CEP152: variants seen among roughly 807,000 people sequenced by gnomAD.
CEP152 encodes centrosomal protein of 152 kDa.
CEP152 carries 132 observed loss-of-function variants against 188.9 expected under a neutral mutation model. The ratio of observed to expected loss-of-function variants is 0.70; its 90% CI spans 0.61 to 0.81. The LOEUF is 0.81. CEP152 is among the 30% of genes least tolerant of loss of function. CEP152 has a pLI of 0.00. For missense variants in CEP152, 1,914 were observed against 1,969.8 expected (o/e 0.97, Z 0.54); for synonymous variants, 649 against 666.6 (o/e 0.97, Z 0.41).
chr15:48,791,232 G>A lies in CEP152; in HGVS notation c.972+5C>T. ...TTTTTACCATACATAAGTTAAAATA[G>A]GTACCTGTTCTTCATTGACTTTTAA... On this transcript the variant is annotated splice_donor_5th_base_variant and intron_variant, in intron 8 of 26. Transcript: ENST00000380950. The A allele has an allele frequency of 6.2e-7, 1 of 1,609,392 alleles. No individual in the cohort carries two copies. The highest frequency in any genetic ancestry group is 8.5e-7 in the Non-Finnish European group (1 of 1,178,838).
intron 2 of CEP152, 101 bp downstream of exon 2, chr15:48,805,462 C>T: frequency 2.8e-6 from 4 of 1,410,158 alleles, no homozygotes; most frequent in Non-Finnish European, 3.8e-6. Context: ...AAATCCAAAT[C>T]CCTTCAAAAT....
At position 48,798,059 on chromosome 15, in the gene CEP152, A is replaced by C; in HGVS notation, c.88-8T>G. 6.2e-7 allele frequency: 1 copy of C among 1,609,834 alleles called. No homozygotes were observed. Among genetic ancestry groups the C allele is most frequent in the South Asian group, 1.1e-5 (1 of 90,874 alleles). On this transcript the variant is annotated splice_polypyrimidine_tract_variant and splice_region_variant and intron_variant, in intron 2 of 26. Transcript: ENST00000380950. Reference sequence around the variant, plus strand: ...TGTGAGTAACTGCTGCAACTGAGTCAAAAGGTCTGCATCAATATCATACCA... The same window carrying C: ...TGTGAGTAACTGCTGCAACTGAGTCCAAAGGTCTGCATCAATATCATACCA...
intron 18 of CEP152, among the ~76,000 whole-genome samples, chr15:48,762,175 T>C (rs1894733280): frequency 6.6e-6 from 1 of 152,210 alleles, no homozygotes; most frequent in Non-Finnish European, 1.5e-5. Context: ...AAATATTTTG[T>C]AAACCGAAAG....
chr15:48,758,891 T>G (rs1338355326), intron 19 of CEP152, among the ~76,000 whole-genome samples: 1 of 152,184 alleles, frequency 6.6e-6, no homozygotes, highest in African/African-American at 2.4e-5. Flanking sequence ...TCTATATGTC[T>G]GCTTTCACAA....
chr15:48,809,068 C>T (rs564639762), intron 1 of CEP152, among the ~76,000 whole-genome samples: 2 of 152,290 alleles, frequency 1.3e-5, no homozygotes, highest in East Asian at 3.9e-4. Flanking sequence ...TTTCTCTGCC[C>T]TCCTTGCAAC....
intron 2 of CEP152, among the ~76,000 whole-genome samples, chr15:48,798,786 T>C (rs1027372803): frequency 1.3e-5 from 2 of 152,172 alleles, no homozygotes; most frequent in Non-Finnish European, 2.9e-5. Context: ...ATAAACTAGA[T>C]AGACAAAATT....
intron 1 of CEP152, among the ~76,000 whole-genome samples, chr15:48,806,185 TAA>T (rs1897974700): frequency 6.6e-6 from 1 of 152,148 alleles, no homozygotes; most frequent in African/African-American, 2.4e-5. Flanking sequence ...CAACAAAATA[TAA>T]GTCTTAAATG....
At chr15:48,767,291 G>C (rs773690686) in intron 16 of CEP152, 44 bp downstream of exon 16, 3 of 1,614,036 alleles carry the variant, frequency 1.9e-6, no homozygotes, top group Admixed American at 3.3e-5. Flanking sequence ...ATAGGGGAAT[G>C]TAGTCTCTAC....
rs543854692 is a variant in CEP152, at chr15:48,738,400, C to T, written c.4982G>A (p.Arg1661His). The T allele has an allele frequency of 8.1e-6, 13 of 1,614,156 alleles. No individual in the cohort carries two copies. The highest frequency in any genetic ancestry group is 3.3e-5 in the South Asian group (3 of 91,086). ...KISVNCGHPSRHKADRLKSDF... is the reference protein window; with the variant it reads ...KISVNCGHPSHHKADRLKSDF... ...TGACTTTAATCTATCAGCCTTATGA[C>T]GAGATGGGTGTCCACAATTCACACT... Residue 1661 changes from arginine to histidine, a missense_variant, in exon 27 of 27, where the codon CGT (arginine) becomes CAT (histidine). Coordinates refer to ENST00000380950, the MANE Select transcript of CEP152 (RefSeq NM_001194998.2).
chr15:48,807,382 T>C (rs1898048854), intron 1 of CEP152, among the ~76,000 whole-genome samples: 1 of 152,132 alleles, frequency 6.6e-6, no homozygotes, highest in Non-Finnish European at 1.5e-5. Flanking sequence ...ACACTATATA[T>C]ATTGAAAATA....
rs751691427 is a variant in CEP152, at chr15:48,767,209, C to T, written c.2148-17G>A. The T allele has an allele frequency of 5.5e-5, 89 of 1,613,656 alleles. 1 individual carries two copies. The Middle Eastern group carries it at 8.2e-4, about 15-fold the overall frequency. On this transcript the variant is annotated splice_polypyrimidine_tract_variant and intron_variant, in intron 16 of 26. Transcript: ENST00000380950. Reference sequence around the variant, plus strand: ...AACTCAGACCTTGGATACACAAAACCAGCAACTAAATGATTTAACCACAAA... The same window carrying T: ...AACTCAGACCTTGGATACACAAAACTAGCAACTAAATGATTTAACCACAAA...
At chr15:48,755,800 T>C in intron 20 of CEP152, 103 bp downstream of exon 20, 1 of 1,582,166 alleles carries the variant, frequency 6.3e-7, no homozygotes, top group Non-Finnish European at 8.5e-7. Context: ...AACATAAGAC[T>C]TACATCTACT....
At position 48,739,190 on chromosome 15, in the gene CEP152, T is replaced by C. The variant is rs1228829917; in HGVS notation, c.4192A>G (p.Ser1398Gly). The C allele has an allele frequency of 5.0e-6, 8 of 1,613,466 alleles. No homozygotes were observed. The highest frequency in any genetic ancestry group is 6.8e-6 in the Non-Finnish European group (8 of 1,179,858). ...IPCCIESKSN[S>G]VNTITRTLCE... ...AGAGTTCTGGTGATGGTGTTTACACTATTTGATTTGCTTTCAATACAACAT... is the reference window on the plus strand; with the variant it reads ...AGAGTTCTGGTGATGGTGTTTACACCATTTGATTTGCTTTCAATACAACAT... Residue 1398 changes from serine (S) to glycine (G), a missense_variant, in exon 27 of 27, where the codon AGT becomes GGT. Coordinates refer to ENST00000380950, the MANE Select transcript of CEP152 (RefSeq NM_001194998.2).
intron 2 of CEP152, among the ~76,000 whole-genome samples, chr15:48,730,371 G>T (rs1595570980): frequency 1.3e-5 from 2 of 152,208 alleles, no homozygotes; most frequent in East Asian, 3.8e-4. Flanking sequence ...CCCATTTGGG[G>T]CAAGAGATGG....
In CEP152 at chr15:48,797,656, C is replaced by A. The variant is rs762922136; in HGVS notation, c.261+5G>T. Reference sequence around the variant, plus strand: ...ACCAAAGTCATCATCACACCAGATACTTACATTTACACTTTGAGATTTGGG... The same window carrying A: ...ACCAAAGTCATCATCACACCAGATAATTACATTTACACTTTGAGATTTGGG... On this transcript the variant is annotated splice_donor_5th_base_variant and intron_variant, in intron 4 of 26. Coordinates refer to ENST00000380950, the MANE Select transcript of CEP152 (RefSeq NM_001194998.2). 10 of 1,614,164 alleles carry A rather than the reference C, an allele frequency of 6.2e-6. No homozygotes were observed. The South Asian group carries it at 8.8e-5, about 14-fold the overall frequency.
intron 1 of CEP152, among the ~76,000 whole-genome samples, chr15:48,806,452 A>C (rs921894006): frequency 1.3e-5 from 2 of 151,428 alleles, no homozygotes; most frequent in Non-Finnish European, 3.0e-5. Flanking sequence ...CAGAACTTCA[A>C]AGCTCTGAAC....
intron 19 of CEP152, among the ~76,000 whole-genome samples, chr15:48,757,970 T>C (rs142045118): frequency 9.1e-4 from 138 of 152,356 alleles, no homozygotes; most frequent in African/African-American, 3.2e-3. Context: ...TTTTCTCATG[T>C]GAAGTTTTAC....
At chr15:48,760,000 G>A in intron 19 of CEP152, 135 bp downstream of exon 19, 1 of 1,117,972 alleles carries the variant, frequency 8.9e-7, no homozygotes, top group Non-Finnish European at 1.3e-6. Flanking sequence ...GCTAGGCTTT[G>A]AGCTATTGCT....
At position 48,762,075 on chromosome 15, in the gene CEP152, G is replaced by T. The variant is rs748198879; in HGVS notation, c.2562+316C>A. Among the ~76,000 whole-genome samples, 6 of 152,152 alleles carry T rather than the reference G, an allele frequency of 3.9e-5. 1 individual carries two copies. The highest frequency in any genetic ancestry group is 1.3e-4 in the Admixed American group (2 of 15,278). ...ATTTTCTAAAAAATTAGATATGAAAGATTAATAATTAAACTGTGATTCATT... is the reference window on the plus strand; with the variant it reads ...ATTTTCTAAAAAATTAGATATGAAATATTAATAATTAAACTGTGATTCATT... On this transcript the variant is annotated intron_variant, in intron 18 of 26. Coordinates refer to ENST00000380950, the MANE Select transcript of CEP152 (RefSeq NM_001194998.2).
Sources: gnomAD v4.1 joint callset for allele counts (sites outside exome capture counted in the v4.1 genomes callset) on GRCh38, gnomAD v4.1.1 for gene constraint, MANE v1.5 for transcripts, NCBI Gene and HGNC (gene_info 2026-07-23, HGNC 2026-07-21) for gene names.